Variants in GAS2 observed in about 807,000 individuals in gnomAD.
GAS2 encodes the protein growth arrest specific 2.
Under a neutral mutation model 37.5 loss-of-function variants are expected in GAS2, and 20 were observed. That is an observed-to-expected ratio of 0.53 (90% CI 0.37 to 0.77). The LOEUF (loss-of-function observed/expected upper bound fraction) is 0.77, where lower values mean the gene tolerates loss of function less well. Ranked by LOEUF, GAS2 falls within the 30% of genes least tolerant of loss-of-function variation. GAS2 has a pLI of 0.00. For missense variants in GAS2, 336 were observed against 373.4 expected (o/e 0.90, Z 0.82); for synonymous variants, 144 against 132.2 (o/e 1.09, Z -0.61).
chr11:22,683,420 A>C (rs400650), intron 2 of GAS2, among the ~76,000 whole-genome samples: 55,540 of 151,494 alleles, frequency 0.37, 11,100 homozygotes, highest in African/African-American at 0.55. Context: ...CATGTGCCAC[A>C]ATACCTGGCT....
chr11:22,652,070 A>G (rs1157944977), intron 1 of GAS2, among the ~76,000 whole-genome samples: 1 of 151,960 alleles, frequency 6.6e-6, no homozygotes, highest in Non-Finnish European at 1.5e-5. Flanking sequence ...TTAGTCTTTG[A>G]TGATGGTGAT....
intron 6 of GAS2, 60 bp from the exon 7 acceptor site, chr11:22,755,786 C>A (rs949633853): frequency 7.8e-7 from 1 of 1,275,746 alleles, no homozygotes; most frequent in Non-Finnish European, 1.1e-6. Flanking sequence ...GTCCTTGGAG[C>A]AAATTAACAT....
At chr11:22,759,847 A>G (rs1309121867) in intron 7 of GAS2, among the ~76,000 whole-genome samples, 1 of 152,234 alleles carries the variant, frequency 6.6e-6, no homozygotes, top group East Asian at 1.9e-4. Flanking sequence ...GTCAGTTGGT[A>G]TCTACATAGG....
intron 5 of GAS2, 140 bp downstream of exon 5, chr11:22,737,908 T>C: frequency 1.3e-6 from 1 of 753,064 alleles, no homozygotes. Flanking sequence ...TATGAACTTC[T>C]TGAGGGCAGC....
At chr11:22,643,147 G>T (rs1848649803) in intron 1 of GAS2, among the ~76,000 whole-genome samples, 1 of 151,952 alleles carries the variant, frequency 6.6e-6, no homozygotes, top group Non-Finnish European at 1.5e-5. Context: ...GGGTTGGCTG[G>T]TTTTATTAAT....
intron 3 of GAS2, among the ~76,000 whole-genome samples, chr11:22,698,687 C>T (rs1438209116): frequency 2.0e-5 from 3 of 151,892 alleles, no homozygotes; most frequent in Admixed American, 6.6e-5. Context: ...AAGTGGGCTT[C>T]ATCCCTGGGA....
Position 22,652,502 on chromosome 11 carries a change from G to A in GAS2, c.-20-22348G>A, listed in dbSNP as rs543872605. Among the ~76,000 whole-genome samples the A allele has an allele frequency of 7.9e-5, 12 of 152,332 alleles. No individual in the cohort carries two copies. The East Asian group carries it at 9.7e-4, about 12-fold the overall frequency. On this transcript the variant is annotated intron_variant, in intron 1 of 5. Transcript: ENST00000528582. ...TACCTAAGCAAGCCTGGGCAATGGC[G>A]GGCGCCCCTTCCCCAGCCTGGCTGC...
intron 3 of GAS2, among the ~76,000 whole-genome samples, chr11:22,708,833 A>T (rs1364034624): frequency 1.3e-5 from 2 of 152,186 alleles, no homozygotes; most frequent in African/African-American, 4.8e-5. Flanking sequence ...GCACTTAAAC[A>T]GTGTGGATTT....
chr11:22,751,432 A>G (rs1853722457), intron 6 of GAS2, among the ~76,000 whole-genome samples: 2 of 152,024 alleles, frequency 1.3e-5, no homozygotes, highest in African/African-American at 4.8e-5. Context: ...CTTTTTGGGT[A>G]TAAATGTCCT....
chr11:22,807,905 A>C (rs1484886555), intron 7 of GAS2, among the ~76,000 whole-genome samples: 1 of 152,130 alleles, frequency 6.6e-6, no homozygotes, highest in African/African-American at 2.4e-5. Context: ...TGATCTGGTA[A>C]GTTTCAGTTG....
chr11:22,731,573 G>A (rs1232472847), intron 4 of GAS2, among the ~76,000 whole-genome samples: 1 of 151,678 alleles, frequency 6.6e-6, no homozygotes, highest in Non-Finnish European at 1.5e-5. Flanking sequence ...TGAGCATTTT[G>A]CTTCAGGGGC....
At chr11:22,764,671 G>A (rs1325400746) in intron 7 of GAS2, among the ~76,000 whole-genome samples, 2 of 151,756 alleles carry the variant, frequency 1.3e-5, no homozygotes, top group African/African-American at 4.8e-5. Context: ...TGCACCAACC[G>A]AATAATACAT....
chr11:22,701,430 G>A (rs189798332), intron 3 of GAS2, among the ~76,000 whole-genome samples: 12 of 152,138 alleles, frequency 7.9e-5, no homozygotes, highest in Admixed American at 6.5e-4. Context: ...TAAAGGGTGT[G>A]ATTTAAATGA....
At chr11:22,630,934 A>T (rs982988020) in intron 1 of GAS2, among the ~76,000 whole-genome samples, 1 of 152,232 alleles carries the variant, frequency 6.6e-6, no homozygotes, top group Non-Finnish European at 1.5e-5. Context: ...TGCTTTGGGC[A>T]GTATGGTCAT....
At chr11:22,636,384 G>A (rs533400528) in intron 1 of GAS2, among the ~76,000 whole-genome samples, 1 of 152,226 alleles carries the variant, frequency 6.6e-6, no homozygotes, top group African/African-American at 2.4e-5. Flanking sequence ...ATTAAATGGG[G>A]TAACAAATAT....
intron 7 of GAS2, among the ~76,000 whole-genome samples, chr11:22,783,120 G>A (rs1172646513): frequency 1.3e-5 from 2 of 151,902 alleles, no homozygotes; most frequent in Non-Finnish European, 2.9e-5. Context: ...TTTTCTTTTT[G>A]ACATAACAAA....
chr11:22,627,731 G>A (rs1858683215), intron 1 of GAS2, among the ~76,000 whole-genome samples: 1 of 150,866 alleles, frequency 6.6e-6, no homozygotes, highest in East Asian at 1.9e-4. Context: ...GCTGAGATCG[G>A]GCCACTGCAC....
At chr11:22,644,554 A>T (rs889975656) in intron 1 of GAS2, among the ~76,000 whole-genome samples, 1 of 152,208 alleles carries the variant, frequency 6.6e-6, no homozygotes, top group African/African-American at 2.4e-5. Context: ...GATTAATGCT[A>T]TAATTTCTGA....
chr11:22,670,988 G>A (rs896408166), intron 1 of GAS2, among the ~76,000 whole-genome samples: 11 of 152,022 alleles, frequency 7.2e-5, no homozygotes, highest in African/African-American at 2.7e-4. Context: ...AATCATCTTG[G>A]TCATAGTCAA....
Sources: allele counts gnomAD v4.1 joint callset (sites outside exome capture counted in the v4.1 genomes callset), GRCh38; gene constraint gnomAD v4.1.1; transcripts MANE v1.5; gene names NCBI Gene and HGNC (gene_info 2026-07-23, HGNC 2026-07-21).